GLB1: variants seen among roughly 807,000 people sequenced by gnomAD.
GLB1 encodes the protein beta-galactosidase.
In GLB1, 56 loss-of-function variants were observed where a neutral mutation model predicts 74.0. That is an observed-to-expected ratio of 0.76 (90% CI 0.61 to 0.94). The LOEUF is 0.94. GLB1 is among the 40% of genes least tolerant of loss of function. The probability of loss-of-function intolerance (pLI) is 0.00; values close to 1 mark genes in which losing one functional copy is unlikely to be tolerated. For missense variants in GLB1, 787 were observed against 845.5 expected, an observed-to-expected ratio of 0.93 and a Z score of 0.86; for synonymous variants, 323 against 323.6, an observed-to-expected ratio of 1.00 and a Z score of 0.02.
At chr3:33,016,866 A>T in intron 13 of GLB1, 26 bp from the exon 14 acceptor site, 1 of 1,612,710 alleles carries the variant, frequency 6.2e-7, no homozygotes. Context: ...CCAAATGACA[A>T]TTGAATTGAG....
chr3:32,978,908 C>T, the GLB1 span, among the ~76,000 whole-genome samples: 5 of 149,346 alleles, frequency 3.3e-5, no homozygotes, highest in African/African-American at 1.2e-4. Context: ...TACAGGGGCC[C>T]ACCACCACAC....
intron 11 of GLB1, among the ~76,000 whole-genome samples, chr3:33,023,033 A>G (rs1697566948): frequency 6.6e-6 from 1 of 152,244 alleles, no homozygotes. Context: ...ACTGTGTTCT[A>G]CATAAACTTA....
At chr3:33,014,334 G>A in intron 14 of GLB1, 24 bp from the exon 15 acceptor site, 9 of 1,611,946 alleles carry the variant, frequency 5.6e-6, no homozygotes, top group Non-Finnish European at 7.6e-6. Flanking sequence ...ACAGAGCACA[G>A]TGAGCTGGGG....
chr3:33,008,307 G>A (rs1039712059), intron 15 of GLB1, among the ~76,000 whole-genome samples: 3 of 152,222 alleles, frequency 2.0e-5, no homozygotes, highest in East Asian at 3.9e-4. Flanking sequence ...AATGGGACTC[G>A]GCAGAAAGAT....
intron 10 of GLB1, among the ~76,000 whole-genome samples, chr3:33,042,397 T>G (rs1698543444): frequency 1.2e-5 from 1 of 82,446 alleles, no homozygotes; most frequent in Non-Finnish European, 2.7e-5. Flanking sequence ...TTTCCAAGTC[T>G]CGCTCTGTCG....
intron 14 of GLB1, among the ~76,000 whole-genome samples, chr3:33,015,011 C>T (rs1697183404): frequency 6.6e-6 from 1 of 152,026 alleles, no homozygotes; most frequent in South Asian, 2.1e-4. Flanking sequence ...CAGAAATTGG[C>T]CTAGTGTGGG....
intron 1 of GLB1, among the ~76,000 whole-genome samples, chr3:33,078,105 G>A (rs4678644): frequency 0.14 from 21,398 of 152,092 alleles, 1,633 homozygotes; most frequent in Admixed American, 0.19. Flanking sequence ...ATTAGCTGGT[G>A]TGGTGGCAGG....
chr3:33,054,030 TA>T (rs61468932), intron 6 of GLB1, among the ~76,000 whole-genome samples: 3 of 151,010 alleles, frequency 2.0e-5, no homozygotes, highest in East Asian at 2.0e-4. Flanking sequence ...TTTTTTTTAT[TA>T]AAAAAAATAA....
At chr3:33,055,580 C>T (rs1433537790) in intron 6 of GLB1, among the ~76,000 whole-genome samples, 2 of 151,360 alleles carry the variant, frequency 1.3e-5, no homozygotes, top group Admixed American at 1.3e-4. Flanking sequence ...CCTGCCTCAG[C>T]CTCCTAAGTA....
chr3:33,087,609 A>ATG (rs1700571070), intron 1 of GLB1, among the ~76,000 whole-genome samples: 1 of 151,660 alleles, frequency 6.6e-6, no homozygotes, highest in African/African-American at 2.4e-5. Context: ...ACACACACAC[A>ATG]CACACACACA....
intron 5 of GLB1, among the ~76,000 whole-genome samples, chr3:33,063,124 G>A (rs907733977): frequency 2.6e-5 from 4 of 152,034 alleles, no homozygotes; most frequent in Non-Finnish European, 4.4e-5. Flanking sequence ...AAGGTAAGTA[G>A]GACAACCATG....
chr3:33,059,933 G>A (rs1185445600), intron 5 of GLB1, among the ~76,000 whole-genome samples: 2 of 152,248 alleles, frequency 1.3e-5, no homozygotes, highest in South Asian at 4.1e-4. Flanking sequence ...GAGGTGCTTA[G>A]CCTGAGTGCC....
chr3:33,002,366 A>ATCCTTCCTTCCTTCCT (rs201204908), intron 15 of GLB1, among the ~76,000 whole-genome samples: 1 of 73,880 alleles, frequency 1.4e-5, no homozygotes, highest in African/African-American at 5.4e-5. Context: ...CCTTCCTTCC[A>ATCCTTCCTTCCTTCCT]TCCTTCCTTC....
intron 1 of GLB1, chr3:33,076,984 G>C: frequency 9.1e-7 from 1 of 1,102,082 alleles, no homozygotes; most frequent in Non-Finnish European, 1.2e-6. Flanking sequence ...AGCAATTTGG[G>C]AGGCCAAGGC....
chr3:32,983,070 C>T, the GLB1 span, among the ~76,000 whole-genome samples: 3 of 152,168 alleles, frequency 2.0e-5, no homozygotes, highest in Admixed American at 2.0e-4. Context: ...TTTACTTTGA[C>T]ATGTCTAGGT....
chr3:33,072,554 C>T lies in GLB1; in HGVS notation c.235G>A (p.Ala79Thr), dbSNP rs553660803. 70 of 1,613,374 alleles carry T rather than the reference C, an allele frequency of 4.3e-5. No homozygotes were observed. The Middle Eastern group carries it at 5.5e-4, about 13-fold the overall frequency. The change falls in exon 2 of 16, where the codon GCC becomes ACC. Residue 79 changes from alanine (A) to threonine (T), a missense_variant. Ala to Thr is a moderately conservative substitution (Grantham distance 58, BLOSUM62 0). Coordinates refer to ENST00000307363, the MANE Select transcript of GLB1 (RefSeq NM_000404.4). Reference protein sequence around the residue: ...LLKMKMAGLNAIQTYVPWNFH... With the variant: ...LLKMKMAGLNTIQTYVPWNFH... Reference sequence around the variant, plus strand: ...TGCCCTCCTACTTACGTCTGGATGGCGTTCAGCCCAGCCATCTTCATCTTC... The same window carrying T: ...TGCCCTCCTACTTACGTCTGGATGGTGTTCAGCCCAGCCATCTTCATCTTC...
the GLB1 span, among the ~76,000 whole-genome samples, chr3:32,966,970 A>C: frequency 6.6e-6 from 1 of 152,134 alleles, no homozygotes; most frequent in Non-Finnish European, 1.5e-5. Context: ...TCCTTTATAA[A>C]TTACCCGGTC....
At chr3:33,095,766 C>A (rs1346164581) in intron 1 of GLB1, among the ~76,000 whole-genome samples, 1 of 152,174 alleles carries the variant, frequency 6.6e-6, no homozygotes, top group Non-Finnish European at 1.5e-5. Flanking sequence ...TAGCCCCTTA[C>A]CCTGCCACTG....
chr3:33,092,484 TA>T, intron 1 of GLB1: 1 of 1,056,172 alleles, frequency 9.5e-7, no homozygotes. Context: ...CCCCACCTTC[TA>T]GAGGTATGCC....
Sources: allele counts gnomAD v4.1 joint callset (sites outside exome capture counted in the v4.1 genomes callset), GRCh38; gene constraint gnomAD v4.1.1; transcripts MANE v1.5; gene names NCBI Gene and HGNC (gene_info 2026-07-23, HGNC 2026-07-21).